The following TMEM170A variants were observed in gnomAD, a reference collection of about 807,000 sequenced individuals.
The protein encoded by TMEM170A is transmembrane protein 170.
In TMEM170A, 18 loss-of-function variants were observed where a neutral mutation model predicts 12.8. The observed-to-expected ratio is 1.41, with a 90% CI of 0.97 to 2.09. The LOEUF (loss-of-function observed/expected upper bound fraction) is 2.09. TMEM170A is among the 30% of genes most tolerant of loss of function. The pLI is 0.00. For missense variants in TMEM170A, 220 were observed against 179.9 expected (o/e 1.22, Z -1.28); for synonymous variants, 107 against 76.2 (o/e 1.40, Z -2.11).
intron 2 of TMEM170A, among the ~76,000 whole-genome samples, chr16:75,450,397 G>A (rs1318065266): frequency 6.6e-6 from 1 of 151,916 alleles, no homozygotes; most frequent in Non-Finnish European, 1.5e-5. Context: ...GAAAATGGAG[G>A]ATTTTACATT....
chr16:75,451,237 GAAAAAA>G (rs35642701), intron 2 of TMEM170A, among the ~76,000 whole-genome samples: 2 of 150,610 alleles, frequency 1.3e-5, no homozygotes, highest in Admixed American at 1.3e-4. Flanking sequence ...CTTGGGGGTG[GAAAAAA>G]AAAATCAATA....
In TMEM170A at chr16:75,444,570, A is replaced by G. The variant is rs890753706; in HGVS notation, c.*2988T>C. On this transcript the variant is annotated 3_prime_UTR_variant, in exon 3 of 3. Coordinates refer to ENST00000561878, the MANE Select transcript of TMEM170A (RefSeq NM_145254.3). ...GGTAAAATGTTCAACACAATTGCCA[A>G]TATTCTTCCATCTGAGTGACCACCC... 7 of 152,224 alleles carry G rather than the reference A, an allele frequency of 4.6e-5. No individual in the cohort carries two copies. The highest frequency in any genetic ancestry group is 8.8e-5 in the Non-Finnish European group (6 of 68,044). The allele number at this position is 152,224 out of a possible 1,614,324, so 9.4% of individuals were successfully genotyped here.
At chr16:75,459,828 G>A in intron 1 of TMEM170A, 1 of 152,224 alleles carries the variant, frequency 6.6e-6, no homozygotes, top group Non-Finnish European at 1.5e-5. Flanking sequence ...TTGCACTCCA[G>A]CCTGGGGGAC....
chr16:75,456,005 CCA>C (rs1454827956), intron 1 of TMEM170A, among the ~76,000 whole-genome samples: 39 of 152,166 alleles, frequency 2.6e-4, no homozygotes, highest in East Asian at 1.9e-4. Context: ...TCAATGAAAA[CCA>C]CAGTTTTATG....
At chr16:75,455,471 A>G (rs2079775961) in intron 1 of TMEM170A, among the ~76,000 whole-genome samples, 2 of 152,138 alleles carry the variant, frequency 1.3e-5, no homozygotes, top group Admixed American at 1.3e-4. Context: ...TGTTTTTGAG[A>G]AAACAAACAC....
At chr16:75,453,283 A>G (rs2079721804) in intron 1 of TMEM170A, among the ~76,000 whole-genome samples, 1 of 152,038 alleles carries the variant, frequency 6.6e-6, no homozygotes, top group African/African-American at 2.4e-5. Context: ...AAAATACAAA[A>G]ATTAGCCTGG....
At chr16:75,454,459 T>TACACACACAC (rs71380746) in intron 1 of TMEM170A, among the ~76,000 whole-genome samples, 127 of 150,036 alleles carry the variant, frequency 8.5e-4, no homozygotes, top group African/African-American at 2.7e-3. Context: ...TCTCTAAAAA[T>TACACACACAC]ACACACACAT....
chr16:75,462,966 T>C (rs1315952620), intron 1 of TMEM170A, among the ~76,000 whole-genome samples: 2 of 152,140 alleles, frequency 1.3e-5, no homozygotes, highest in Non-Finnish European at 1.5e-5. Flanking sequence ...TTCTGCAACT[T>C]CCTATTGAAT....
chr16:75,447,504 C>A lies in TMEM170A; in HGVS notation c.*54G>T. 1 of 1,565,460 alleles carries A rather than the reference C, an allele frequency of 6.4e-7. No homozygotes were observed. The highest frequency in any genetic ancestry group is 8.6e-7 in the Non-Finnish European group (1 of 1,159,176). On this transcript the variant is annotated 3_prime_UTR_variant, in exon 3 of 3. Coordinates refer to ENST00000561878, the MANE Select transcript of TMEM170A (RefSeq NM_145254.3). ...AAAACACTACACTCCATAATGTATT[C>A]TTTTGGAGGATTCCATAAAGTTTAA...
chr16:75,464,559 C>G lies in TMEM170A; in HGVS notation c.42G>C (p.Gly14=). 1 of 1,586,732 alleles carries G rather than the reference C, an allele frequency of 6.3e-7. No homozygotes were observed. Among genetic ancestry groups the G allele is most frequent in the East Asian group, 2.4e-5 (1 of 41,302 alleles). The part of the protein sequence containing the change: ...EGSGGSGGSA[G]LLQQILSLKV... ...TCAGGCTCAGGATCTGCTGCAGGAG[C>G]CCGGCCGACCCGCCGCTGCCGCCGC... Residue 14 remains glycine (G), a synonymous_variant, in exon 1 of 3, where the codon GGG becomes GGC. Transcript: ENST00000561878.
chr16:75,454,221 G>C (rs566972290), intron 1 of TMEM170A, among the ~76,000 whole-genome samples: 4 of 133,990 alleles, frequency 3.0e-5, no homozygotes, highest in Non-Finnish European at 5.4e-5. Context: ...TCTATTCCCA[G>C]TTGTGTCAAC....
In TMEM170A at chr16:75,446,693, A is replaced by G. The variant is rs965528328; in HGVS notation, c.*865T>C. On this transcript the variant is annotated 3_prime_UTR_variant, in exon 3 of 3. Coordinates refer to ENST00000561878, the MANE Select transcript of TMEM170A (RefSeq NM_145254.3). ...TAAGAAAAACTATGACAGAATGCCT[A>G]AAGTATCTTATGTGTGCCTCAATGT... 3 of 152,222 alleles carry G rather than the reference A, an allele frequency of 2.0e-5. No homozygotes were observed. The highest frequency in any genetic ancestry group is 6.5e-5 in the Admixed American group (1 of 15,274). The allele number at this position is 152,222 out of a possible 1,614,324, so 9.4% of individuals were successfully genotyped here. A position where few individuals can be genotyped will look rare whatever the true frequency, so the allele number is the denominator to read the frequency against.
At position 75,447,387 on chromosome 16, in the gene TMEM170A, C is replaced by G; in HGVS notation, c.*171G>C. ...AACAATAGGAGTCCACATAAGTCTT[C>G]AATTCTAGGAGCTTCAAAATGAAGA... On this transcript the variant is annotated 3_prime_UTR_variant, in exon 3 of 3. Transcript: ENST00000561878. 1.6e-6 allele frequency: 1 copy of G among 641,440 alleles called. No homozygotes were observed. Among genetic ancestry groups the G allele is most frequent in the Non-Finnish European group, 2.3e-6 (1 of 434,322 alleles). 39.7% of individuals were successfully genotyped at this position (641,440 alleles called of 1,614,324 possible). A position where few individuals can be genotyped will look rare whatever the true frequency, so the allele number is the denominator to read the frequency against.
chr16:75,445,398 C>T lies in TMEM170A; in HGVS notation c.*2160G>A, dbSNP rs1484833363. 1.3e-5 allele frequency: 2 copies of T among 152,224 alleles called. No individual in the cohort carries two copies. Among genetic ancestry groups the T allele is most frequent in the African/African-American group, 4.8e-5 (2 of 41,442 alleles). 9.4% of individuals were successfully genotyped at this position (152,224 alleles called of 1,614,324 possible). The stretch of plus-strand genomic sequence containing the variant: ...GGTCTCGGCTCACAGCAGCCTGAAC[C>T]TCCCAGGCACAAGTGATCCTCCCAC... On this transcript the variant is annotated 3_prime_UTR_variant, in exon 3 of 3. Transcript: ENST00000561878.
chr16:75,453,007 G>T (rs1412968434), intron 1 of TMEM170A, among the ~76,000 whole-genome samples: 1 of 152,102 alleles, frequency 6.6e-6, no homozygotes, highest in Non-Finnish European at 1.5e-5. Context: ...GCTGATAACA[G>T]TGACACAGAC....
Position 75,443,316 on chromosome 16 carries a change from A to C in TMEM170A, c.*4242T>G, listed in dbSNP as rs141085619. The C allele has an allele frequency of 1.3e-5, 2 of 152,374 alleles. No homozygotes were observed. The highest frequency in any genetic ancestry group is 3.8e-4 in the East Asian group (2 of 5,196). The allele number at this position is 152,374 out of a possible 1,614,324, so 9.4% of individuals were successfully genotyped here. A position where few individuals can be genotyped will look rare whatever the true frequency, so the allele number is the denominator to read the frequency against. ...GTCAGTAGAAAAATAAAATTTAAAT[A>C]ATTTTCTATTGTACAAAGATTTGAT... On this transcript the variant is annotated 3_prime_UTR_variant, in exon 3 of 3. Coordinates refer to ENST00000561878, the MANE Select transcript of TMEM170A (RefSeq NM_145254.3).
intron 1 of TMEM170A, among the ~76,000 whole-genome samples, chr16:75,461,043 G>C (rs1227837490): frequency 1.3e-5 from 2 of 152,070 alleles, no homozygotes; most frequent in Non-Finnish European, 2.9e-5. Flanking sequence ...TTGCAGTTTA[G>C]CCATTTACTT....
chr16:75,456,286 C>T (rs982716641), intron 1 of TMEM170A, among the ~76,000 whole-genome samples: 4 of 152,028 alleles, frequency 2.6e-5, no homozygotes, highest in South Asian at 2.1e-4. Context: ...GGTCTCAATG[C>T]TTATTAAAAA....
chr16:75,451,111 T>C (rs550586973), intron 2 of TMEM170A, among the ~76,000 whole-genome samples: 1 of 152,304 alleles, frequency 6.6e-6, no homozygotes, highest in African/African-American at 2.4e-5. Flanking sequence ...TAAATTTTCC[T>C]CTTGCTGGTG....
Sources: allele counts gnomAD v4.1 joint callset (sites outside exome capture counted in the v4.1 genomes callset), GRCh38; gene constraint gnomAD v4.1.1; transcripts MANE v1.5; gene names NCBI Gene and HGNC (gene_info 2026-07-23, HGNC 2026-07-21).